Variants in AKR1C8 observed in about 807,000 individuals in gnomAD.
AKR1C8 encodes aldo-keto reductase family 1 member C-like protein 1.
chr10:5,180,579 G>T, the AKR1C8 span, among the ~76,000 whole-genome samples: 1 of 152,210 alleles, frequency 6.6e-6, no homozygotes, highest in African/African-American at 2.4e-5. Flanking sequence ...TGCCCCCAGA[G>T]GTGGAGCCTA....
the AKR1C8 span, among the ~76,000 whole-genome samples, chr10:5,181,307 A>G: frequency 7.2e-4 from 109 of 152,336 alleles, no homozygotes; most frequent in Admixed American, 1.4e-3. Flanking sequence ...AAAAGGGTGA[A>G]ATTCGACTTT....
the AKR1C8 span, among the ~76,000 whole-genome samples, chr10:5,137,083 C>A: frequency 2.6e-5 from 4 of 152,236 alleles, no homozygotes; most frequent in South Asian, 4.1e-4. Flanking sequence ...ATATACATAT[C>A]TTAATTTAAA....
chr10:5,163,889 C>A, the AKR1C8 span, among the ~76,000 whole-genome samples: 2 of 152,114 alleles, frequency 1.3e-5, no homozygotes, highest in African/African-American at 4.8e-5. Context: ...CTAAGACATA[C>A]CCATAACTAC....
At chr10:5,182,113 C>T in the AKR1C8 span, among the ~76,000 whole-genome samples, 2 of 152,082 alleles carry the variant, frequency 1.3e-5, no homozygotes, top group Non-Finnish European at 2.9e-5. Context: ...GAATAACATA[C>T]ACTTCTGTGA....
chr10:5,145,911 C>A, the AKR1C8 span, among the ~76,000 whole-genome samples: 1 of 151,912 alleles, frequency 6.6e-6, no homozygotes, highest in Non-Finnish European at 1.5e-5. Context: ...ATGTTTATTG[C>A]GGCACTATTC....
chr10:5,145,559 A>G, the AKR1C8 span, among the ~76,000 whole-genome samples: 149 of 152,338 alleles, frequency 9.8e-4, no homozygotes, highest in African/African-American at 3.2e-3. Context: ...ACATTTCTCA[A>G]AAGAAGACAT....
At chr10:5,166,662 A>T in the AKR1C8 span, among the ~76,000 whole-genome samples, 6 of 152,272 alleles carry the variant, frequency 3.9e-5, no homozygotes, top group South Asian at 2.1e-4. Context: ...GACTTAAACG[A>T]TAGACCTAAA....
the AKR1C8 span, among the ~76,000 whole-genome samples, chr10:5,159,470 T>A: frequency 2.0e-5 from 3 of 152,194 alleles, no homozygotes; most frequent in African/African-American, 7.2e-5. Context: ...TTCAGTCTCC[T>A]TGCCAGTGCC....
chr10:5,137,761 A>G, the AKR1C8 span, among the ~76,000 whole-genome samples: 4 of 152,158 alleles, frequency 2.6e-5, no homozygotes, highest in African/African-American at 9.7e-5. Flanking sequence ...GACAGTATAA[A>G]GAGAGGAATT....
chr10:5,160,086 A>C, the AKR1C8 span: 1 of 290,588 alleles, frequency 3.4e-6, no homozygotes, highest in Non-Finnish European at 7.4e-6. Flanking sequence ...AAATGCTGGA[A>C]ATCTGTTTTA....
the AKR1C8 span, among the ~76,000 whole-genome samples, chr10:5,133,558 G>A: frequency 6.6e-6 from 1 of 152,256 alleles, no homozygotes; most frequent in African/African-American, 2.4e-5. Context: ...GGGAAATGTT[G>A]TCTACAAGGG....
the AKR1C8 span, among the ~76,000 whole-genome samples, chr10:5,177,026 T>A: frequency 2.0e-5 from 3 of 151,670 alleles, no homozygotes; most frequent in Non-Finnish European, 4.4e-5. Context: ...TGAATAGGAG[T>A]GGTAAGAGAG....
At chr10:5,183,689 A>C in the AKR1C8 span, among the ~76,000 whole-genome samples, 3 of 152,174 alleles carry the variant, frequency 2.0e-5, no homozygotes, top group East Asian at 5.8e-4. Flanking sequence ...GAGGGTAAAA[A>C]TGAGAGAAAA....
the AKR1C8 span, among the ~76,000 whole-genome samples, chr10:5,164,037 T>C: frequency 6.6e-6 from 1 of 152,096 alleles, no homozygotes; most frequent in African/African-American, 2.4e-5. Context: ...CACTTTTCTT[T>C]TTTGGACATG....
At chr10:5,149,103 G>A in the AKR1C8 span, among the ~76,000 whole-genome samples, 1 of 152,016 alleles carries the variant, frequency 6.6e-6, no homozygotes, top group Admixed American at 6.6e-5. Flanking sequence ...TTCCAAGTAA[G>A]GAAAGTAGTA....
the AKR1C8 span, among the ~76,000 whole-genome samples, chr10:5,169,988 C>A: frequency 2.0e-5 from 3 of 151,868 alleles, no homozygotes; most frequent in African/African-American, 7.3e-5. Flanking sequence ...GGTTTTGACT[C>A]GAGTGTGATG....
the AKR1C8 span, among the ~76,000 whole-genome samples, chr10:5,143,610 T>G: frequency 6.6e-6 from 1 of 151,640 alleles, no homozygotes; most frequent in Non-Finnish European, 1.5e-5. Context: ...ATAAAAATGA[T>G]TTTATACATT....
chr10:5,176,158 G>C, the AKR1C8 span, among the ~76,000 whole-genome samples: 474 of 151,338 alleles, frequency 3.1e-3, no homozygotes, highest in Non-Finnish European at 5.2e-3. Context: ...TTTTGTGTAA[G>C]GTGTAAGGAA....
At chr10:5,132,172 C>CA in the AKR1C8 span, among the ~76,000 whole-genome samples, 1 of 143,838 alleles carries the variant, frequency 7.0e-6, no homozygotes, top group Non-Finnish European at 1.6e-5. Flanking sequence ...TTTCAGGACT[C>CA]AGTGTTGGGG....
Sources: allele counts gnomAD v4.1 joint callset (sites outside exome capture counted in the v4.1 genomes callset), GRCh38; gene constraint gnomAD v4.1.1; transcripts MANE v1.5; gene names NCBI Gene and HGNC (gene_info 2026-07-23, HGNC 2026-07-21).